Variants in BBS9 observed in about 807,000 individuals in gnomAD.
The protein encoded by BBS9 is Bardet-Biedl syndrome 9.
In BBS9, 89 loss-of-function variants were observed where a neutral mutation model predicts 117.7. The ratio of observed to expected loss-of-function variants is 0.76; its 90% CI spans 0.64 to 0.90. The LOEUF is 0.90. Ranked by LOEUF, BBS9 falls within the 40% of genes least tolerant of loss-of-function variation. The pLI is 0.00. For synonymous variants in BBS9, 379 were observed against 370.9 expected (o/e 1.02, Z -0.25); for missense variants, 982 against 1,042.2 (o/e 0.94, Z 0.80).
chr7:33,147,259 T>C (rs1250694694), intron 2 of BBS9, among the ~76,000 whole-genome samples: 2 of 147,798 alleles, frequency 1.4e-5, no homozygotes, highest in Non-Finnish European at 3.0e-5. Context: ...GTCATGGGCT[T>C]TTTTTTTGTG....
intron 20 of BBS9, among the ~76,000 whole-genome samples, chr7:33,527,129 G>A: frequency 6.6e-6 from 1 of 151,876 alleles, no homozygotes; most frequent in African/African-American, 2.4e-5. Flanking sequence ...CTGCGTACTG[G>A]GAGAACCGCT....
At chr7:33,587,030 C>A (rs1357057646) in intron 21 of BBS9, among the ~76,000 whole-genome samples, 1 of 151,966 alleles carries the variant, frequency 6.6e-6, no homozygotes, top group Non-Finnish European at 1.5e-5. Context: ...GAACATGTAC[C>A]CCCGATTCTA....
intron 21 of BBS9, among the ~76,000 whole-genome samples, chr7:33,634,847 TGAC>T (rs1866067160): frequency 6.6e-6 from 1 of 152,156 alleles, no homozygotes; most frequent in Non-Finnish European, 1.5e-5. Context: ...GTGGGCTAAA[TGAC>T]GACATCAAGA....
chr7:33,239,152 G>T (rs866970514), intron 5 of BBS9, among the ~76,000 whole-genome samples: 1 of 152,090 alleles, frequency 6.6e-6, no homozygotes, highest in Admixed American at 6.6e-5. Context: ...GTTTTTAAAA[G>T]TTCCTAATCT....
intron 19 of BBS9, among the ~76,000 whole-genome samples, chr7:33,480,101 T>C (rs1478222076): frequency 1.3e-5 from 2 of 152,172 alleles, no homozygotes; most frequent in South Asian, 2.1e-4. Flanking sequence ...TGTTTTCATA[T>C]AGCAATGCTC....
chr7:33,403,357 C>T (rs1829288950), intron 19 of BBS9, among the ~76,000 whole-genome samples: 2 of 149,354 alleles, frequency 1.3e-5, no homozygotes, highest in Non-Finnish European at 1.5e-5. Context: ...GGTACATGTG[C>T]ACAATGTGCA....
At chr7:33,520,015 T>G (rs1011927392) in intron 20 of BBS9, among the ~76,000 whole-genome samples, 2 of 151,868 alleles carry the variant, frequency 1.3e-5, no homozygotes, top group Admixed American at 6.6e-5. Context: ...AAATAGGTTT[T>G]TTTTTTTTTT....
At chr7:33,439,117 A>G (rs538252697) in intron 19 of BBS9, among the ~76,000 whole-genome samples, 1 of 152,296 alleles carries the variant, frequency 6.6e-6, no homozygotes, top group South Asian at 2.1e-4. Flanking sequence ...GGGCCAGCTC[A>G]GGTCTGAGTG....
At chr7:33,267,275 T>C (rs955989462) in intron 7 of BBS9, among the ~76,000 whole-genome samples, 5 of 152,198 alleles carry the variant, frequency 3.3e-5, no homozygotes, top group African/African-American at 1.2e-4. Flanking sequence ...TTTCTATCTT[T>C]CCACTTTGAA....
At chr7:33,444,203 G>T (rs1836642934) in intron 19 of BBS9, among the ~76,000 whole-genome samples, 2 of 152,182 alleles carry the variant, frequency 1.3e-5, no homozygotes, top group South Asian at 4.1e-4. Flanking sequence ...GGGGCTTAGA[G>T]AAGTGCTTCC....
chr7:33,154,870 G>A (rs1188517884), intron 3 of BBS9, among the ~76,000 whole-genome samples: 2 of 152,338 alleles, frequency 1.3e-5, no homozygotes, highest in African/African-American at 4.8e-5. Flanking sequence ...CTTGAAAAAT[G>A]TGGGGCTCTG....
intron 5 of BBS9, among the ~76,000 whole-genome samples, chr7:33,178,025 C>CT (rs1465810930): frequency 3.9e-5 from 6 of 152,186 alleles, no homozygotes; most frequent in African/African-American, 1.4e-4. Context: ...ACCTGACTGT[C>CT]TCTCTCAGTG....
chr7:33,384,225 T>C (rs1421526600), intron 18 of BBS9, among the ~76,000 whole-genome samples: 1 of 152,232 alleles, frequency 6.6e-6, no homozygotes, highest in African/African-American at 2.4e-5. Context: ...TTTCTTTTTC[T>C]TTTTTAACAA....
At chr7:33,164,382 C>T (rs992286320) in intron 4 of BBS9, among the ~76,000 whole-genome samples, 12 of 152,196 alleles carry the variant, frequency 7.9e-5, no homozygotes, top group South Asian at 2.1e-4. Flanking sequence ...TCCTGGATAT[C>T]CTTGTTAACT....
At chr7:33,546,132 A>G (rs925204955) in intron 21 of BBS9, among the ~76,000 whole-genome samples, 15 of 151,726 alleles carry the variant, frequency 9.9e-5, no homozygotes, top group African/African-American at 3.4e-4. Flanking sequence ...ACAGGGTTTC[A>G]CTATGTTAGC....
At chr7:33,516,713 T>C (rs952916882) in intron 20 of BBS9, among the ~76,000 whole-genome samples, 6 of 152,108 alleles carry the variant, frequency 3.9e-5, no homozygotes, top group Non-Finnish European at 8.8e-5. Context: ...ATCTTACCAG[T>C]TGTTGCTTTT....
chr7:33,387,973 A>C lies in BBS9; in HGVS notation c.1963-19A>C. The C allele has an allele frequency of 6.2e-7, 1 of 1,612,134 alleles. No individual in the cohort carries two copies. The highest frequency in any genetic ancestry group is 8.5e-7 in the Non-Finnish European group (1 of 1,178,254). On this transcript the variant is annotated intron_variant, in intron 18 of 22. Transcript: ENST00000242067. ...TTTTGTGTCCATTTAATCTCAATTT[A>C]AGAAATTATTCATTGCAGCTACGGA... is the stretch of plus-strand genomic sequence containing the variant.
At position 33,628,064 on chromosome 7, in the gene BBS9, A is replaced by G. The variant is rs537215799; in HGVS notation, c.2522-7113A>G. 2.0e-5 allele frequency among the ~76,000 whole-genome samples: 3 copies of G among 152,318 alleles called. No individual in the cohort carries two copies. The East Asian group carries it at 5.8e-4, about 29-fold the overall frequency. ...TAATTTAAAAACGTCTCAGATGGCAAATTCACTGGAGAATTTTGTCAAAGA... is the reference window on the plus strand; with the variant it reads ...TAATTTAAAAACGTCTCAGATGGCAGATTCACTGGAGAATTTTGTCAAAGA... On this transcript the variant is annotated intron_variant, in intron 21 of 21. Transcript: ENST00000671952.
chr7:33,487,583 G>A (rs901282065), intron 19 of BBS9, among the ~76,000 whole-genome samples: 2 of 152,198 alleles, frequency 1.3e-5, no homozygotes, highest in Admixed American at 6.5e-5. Context: ...AAACTATTGA[G>A]TCAAAGGCCT....
Sources: gnomAD v4.1 joint callset for allele counts (sites outside exome capture counted in the v4.1 genomes callset) on GRCh38, gnomAD v4.1.1 for gene constraint, MANE v1.5 for transcripts, NCBI Gene and HGNC (gene_info 2026-07-23, HGNC 2026-07-21) for gene names.